The following ING5 variants were observed in gnomAD, a reference collection of about 807,000 sequenced individuals.
ING5 encodes the protein inhibitor of growth family member 5.
A neutral mutation model predicts 37.4 loss-of-function variants in ING5; 17 were observed. The observed-to-expected ratio is 0.45, with a 90% CI of 0.31 to 0.68. The LOEUF (loss-of-function observed/expected upper bound fraction) is 0.68, where lower values mean the gene tolerates loss of function less well. Ranked by LOEUF, ING5 falls within the 30% of genes least tolerant of loss-of-function variation. The pLI, the probability that ING5 is intolerant of heterozygous loss-of-function variation, is 0.05. For synonymous variants in ING5, 123 were observed against 116.6 expected, an observed-to-expected ratio of 1.06 and a Z score of -0.36; for missense variants, 233 against 311.9, an observed-to-expected ratio of 0.75 and a Z score of 1.91.
chr2:241,707,365 A>G (rs2069952163), intron 2 of ING5, among the ~76,000 whole-genome samples: 1 of 151,564 alleles, frequency 6.6e-6, no homozygotes, highest in Non-Finnish European at 1.5e-5. Flanking sequence ...ATCTCAGCTC[A>G]CCGCAACCTC....
intron 2 of ING5, among the ~76,000 whole-genome samples, chr2:241,692,086 A>G (rs1421656304): frequency 6.6e-6 from 1 of 152,084 alleles, no homozygotes; most frequent in Admixed American, 6.6e-5. Flanking sequence ...ACCGTCACTA[A>G]AAACACAAAA....
Position 241,723,217 on chromosome 2 carries a change from T to C in ING5, c.626T>C (p.Ile209Thr). The change falls in exon 7 of 8, where the codon ATT (isoleucine) becomes ACT (threonine). Residue 209 changes from isoleucine (I) to threonine (T), a missense_variant. Transcript: ENST00000313552. ...MIGCDNPDCP[I>T]EWFHFACVDL... ...TCTCCCTTTACTTTGCAGTGTCCAA[T>C]TGAGTGGTTTCACTTTGCCTGCGTG... 1 of 1,614,214 alleles carries C rather than the reference T, an allele frequency of 6.2e-7. No homozygotes were observed. Among genetic ancestry groups the C allele is most frequent in the African/African-American group, 1.3e-5 (1 of 75,064 alleles).
intron 5 of ING5, among the ~76,000 whole-genome samples, chr2:241,718,622 G>T (rs182671019): frequency 6.6e-6 from 1 of 151,472 alleles, no homozygotes; most frequent in Non-Finnish European, 1.5e-5. Flanking sequence ...ACCGTGTTAT[G>T]CAGGCTGGTC....
intron 5 of ING5, among the ~76,000 whole-genome samples, chr2:241,718,968 G>C (rs143035271): frequency 8.3e-4 from 127 of 152,386 alleles, no homozygotes; most frequent in African/African-American, 2.9e-3. Context: ...TATAAAGGAA[G>C]CGTGGAGAGG....
chr2:241,692,490 C>T (rs953872829), intron 2 of ING5, among the ~76,000 whole-genome samples: 2 of 150,092 alleles, frequency 1.3e-5, no homozygotes, highest in African/African-American at 2.5e-5. Flanking sequence ...TAAATACTGA[C>T]GGGGTCTTGC....
At chr2:241,696,849 C>T (rs997145768) in intron 2 of ING5, among the ~76,000 whole-genome samples, 4 of 151,996 alleles carry the variant, frequency 2.6e-5, no homozygotes, top group Admixed American at 6.6e-5. Flanking sequence ...TTTGGGAGGC[C>T]GAGGCGGGCA....
intron 1 of ING5, among the ~76,000 whole-genome samples, chr2:241,689,478 T>C (rs920459344): frequency 2.6e-5 from 4 of 152,184 alleles, no homozygotes; most frequent in Non-Finnish European, 5.9e-5. Flanking sequence ...TAGTCTGCTG[T>C]CATGTGCCCT....
chr2:241,724,898 A>C, intron 7 of ING5, 91 bp from the exon 8 acceptor site: 2 of 1,380,608 alleles, frequency 1.4e-6, no homozygotes, highest in Non-Finnish European at 2.0e-6. Flanking sequence ...GGCGTCCAGC[A>C]GCCCTGGGAG....
chr2:241,713,534 C>A (rs2124922599), intron 5 of ING5, among the ~76,000 whole-genome samples: 1 of 151,074 alleles, frequency 6.6e-6, no homozygotes, highest in East Asian at 2.0e-4. Flanking sequence ...CCACACCCAG[C>A]CAATTTTTTT....
At chr2:241,701,980 A>T, upstream of ING5, 1 of 982,340 alleles carries the variant, frequency 1.0e-6, no homozygotes, top group Non-Finnish European at 1.3e-6. Flanking sequence ...GCGACTCATG[A>T]ATAGTGAGCG....
chr2:241,699,031 T>C (rs2069673646), upstream of ING5, among the ~76,000 whole-genome samples: 1 of 119,290 alleles, frequency 8.4e-6, no homozygotes, highest in Non-Finnish European at 1.7e-5. Context: ...CCAGCTGAAT[T>C]TTTTTTTGGG....
At chr2:241,706,271 C>T (rs1345913179) in intron 2 of ING5, among the ~76,000 whole-genome samples, 1 of 152,038 alleles carries the variant, frequency 6.6e-6, no homozygotes, top group Admixed American at 6.6e-5. Context: ...TCTTTTTGCC[C>T]TTGCTCTCCT....
chr2:241,687,038 C>T (rs567080285), upstream of ING5: 5 of 453,506 alleles, frequency 1.1e-5, no homozygotes, highest in African/African-American at 1.0e-4. Context: ...TGCGGGCCTC[C>T]GTCCTCGGGC....
chr2:241,705,167 T>C (rs1429261751), intron 2 of ING5, among the ~76,000 whole-genome samples: 1 of 151,958 alleles, frequency 6.6e-6, no homozygotes, highest in African/African-American at 2.4e-5. Context: ...CTCTGCCTCC[T>C]GGGTTCACAC....
At chr2:241,721,187 C>T in intron 5 of ING5, 2 of 985,636 alleles carry the variant, frequency 2.0e-6, no homozygotes, top group African/African-American at 1.7e-5. Flanking sequence ...GCAGGAGCCC[C>T]TTGGAGGTGA....
upstream of ING5, among the ~76,000 whole-genome samples, chr2:241,697,733 G>T (rs2069651489): frequency 6.6e-6 from 1 of 152,128 alleles, no homozygotes; most frequent in South Asian, 2.1e-4. Flanking sequence ...ACAAAACTAT[G>T]CTGTATGACA....
chr2:241,702,174 G>C, intron 1 of ING5, 72 bp downstream of exon 1: 9 of 968,512 alleles, frequency 9.3e-6, no homozygotes, highest in Non-Finnish European at 1.2e-5. Flanking sequence ...CCCGCGCGCC[G>C]GGCACCGCAT....
intron 5 of ING5, among the ~76,000 whole-genome samples, chr2:241,714,052 G>A (rs1000354385): frequency 2.0e-5 from 3 of 151,030 alleles, no homozygotes; most frequent in Admixed American, 6.6e-5. Context: ...ACAGAAAACC[G>A]CACAGAACAA....
At chr2:241,700,510 C>T (rs1465770373), upstream of ING5, among the ~76,000 whole-genome samples, 1 of 151,744 alleles carries the variant, frequency 6.6e-6, no homozygotes, top group Non-Finnish European at 1.5e-5. Context: ...GGCTGGAGTG[C>T]AGTGGTGCAA....
Sources: allele counts gnomAD v4.1 joint callset (sites outside exome capture counted in the v4.1 genomes callset), GRCh38; gene constraint gnomAD v4.1.1; transcripts MANE v1.5; gene names NCBI Gene and HGNC (gene_info 2026-07-23, HGNC 2026-07-21).